KCNAB2: variants seen among roughly 807,000 people sequenced by gnomAD.
The protein encoded by KCNAB2 is potassium voltage-gated channel subfamily A regulatory beta subunit 2, also known as voltage-gated potassium channel subunit beta-2.
A neutral mutation model predicts 63.6 loss-of-function variants in KCNAB2; 29 were observed. The observed-to-expected ratio is 0.46, with a 90% CI of 0.34 to 0.62. The LOEUF (loss-of-function observed/expected upper bound fraction) is 0.62. Among genes scored for constraint, KCNAB2 ranks in the 20% least tolerant of loss-of-function variants. The pLI, the probability that KCNAB2 is intolerant of heterozygous loss-of-function variation, is 0.01. For missense variants in KCNAB2, 359 were observed against 563.9 expected, an observed-to-expected ratio of 0.64 and a Z score of 3.68; for synonymous variants, 222 against 224.2, an observed-to-expected ratio of 0.99 and a Z score of 0.09.
chr1:6,065,928 C>T (rs1263781195), intron 2 of KCNAB2, among the ~76,000 whole-genome samples: 1 of 152,216 alleles, frequency 6.6e-6, no homozygotes, highest in East Asian at 1.9e-4. Flanking sequence ...CCTCACTCCT[C>T]AAGGAATGCC....
intron 2 of KCNAB2, among the ~76,000 whole-genome samples, chr1:6,068,883 G>T (rs1328929630): frequency 3.3e-5 from 5 of 152,202 alleles, no homozygotes; most frequent in Non-Finnish European, 5.9e-5. Flanking sequence ...GGAAACTAAA[G>T]GTGCATGGCC....
upstream of KCNAB2, among the ~76,000 whole-genome samples, chr1:6,042,487 G>A (rs556414821): frequency 1.3e-5 from 2 of 152,218 alleles, no homozygotes; most frequent in Non-Finnish European, 2.9e-5. Context: ...CCTGCAGGGT[G>A]CTCTTGGGGA....
At chr1:6,033,442 C>CGT (rs1557430075), upstream of KCNAB2, among the ~76,000 whole-genome samples, 1 of 148,634 alleles carries the variant, frequency 6.7e-6, no homozygotes, top group African/African-American at 2.5e-5. Flanking sequence ...ATGTGGTGTG[C>CGT]GTGTGTGTGC....
Position 6,051,472 on chromosome 1 carries a change from G to A in KCNAB2, c.-26-39G>A, listed in dbSNP as rs575930723. 3.1e-5 allele frequency: 45 copies of A among 1,434,016 alleles called. No homozygotes were observed. In the East Asian group the frequency reaches 1.1e-3, roughly 36 times the overall value. The allele number at this position is 1,434,016 out of a possible 1,614,324, so 88.8% of individuals were successfully genotyped here. On this transcript the variant is annotated intron_variant, in intron 1 of 15. Transcript: ENST00000378083. ...CAGCCATCCAGCCTGGGGCACGTGGGGCATTGGCACACTGTCTAACTCATC... is the reference window on the plus strand; with the variant it reads ...CAGCCATCCAGCCTGGGGCACGTGGAGCATTGGCACACTGTCTAACTCATC...
At chr1:6,089,709 G>A (rs1384082531) in intron 8 of KCNAB2, among the ~76,000 whole-genome samples, 3 of 152,120 alleles carry the variant, frequency 2.0e-5, no homozygotes, top group Admixed American at 6.5e-5. Flanking sequence ...CATTGTTTTT[G>A]TTTTTGAGAT....
chr1:6,098,694 G>A lies in KCNAB2; in HGVS notation c.*120G>A. 3 of 1,243,002 alleles carry A rather than the reference G, an allele frequency of 2.4e-6. No individual in the cohort carries two copies. The highest frequency in any genetic ancestry group is 1.1e-6 in the Non-Finnish European group (1 of 896,826). 77.0% of individuals were successfully genotyped at this position (1,243,002 alleles called of 1,614,324 possible). A position where few individuals can be genotyped will look rare whatever the true frequency, so the allele number is the denominator to read the frequency against. The stretch of plus-strand genomic sequence containing the variant: ...TGCATCCAAGAGAAAACACCACACT[G>A]TGATGTCATCGGGAAATGATCTCCC... On this transcript the variant is annotated 3_prime_UTR_variant, in exon 16 of 16. Coordinates refer to ENST00000378083, the MANE Select transcript of KCNAB2 (RefSeq NM_001199862.2).
chr1:5,997,866 A>G (rs770486068), intron 1 of KCNAB2, among the ~76,000 whole-genome samples: 4 of 152,248 alleles, frequency 2.6e-5, no homozygotes, highest in South Asian at 2.1e-4. Flanking sequence ...TAAAACCTAT[A>G]CATGCCAGTG....
chr1:6,029,984 G>T (rs369725589), upstream of KCNAB2, among the ~76,000 whole-genome samples: 1 of 152,202 alleles, frequency 6.6e-6, no homozygotes, highest in Non-Finnish European at 1.5e-5. Context: ...GGAAGGTTCC[G>T]GCCAGCTCAA....
intron 1 of KCNAB2, chr1:6,025,871 CCCGGCACACAGCCGA>C (rs1557941098): frequency 4.2e-5 from 6 of 143,640 alleles, no homozygotes; most frequent in African/African-American, 1.5e-4. Flanking sequence ...CACAGCCGAT[CCCGGCACACAGCCGA>C]TCCCGGCACA....
At position 5,994,850 on chromosome 1, in the gene KCNAB2, G is replaced by T. The variant is rs149257141; in HGVS notation, c.-53+2062G>T. Among the ~76,000 whole-genome samples, 454 of 152,302 alleles carry T rather than the reference G, an allele frequency of 3.0e-3. 8 individuals are homozygous for T. Among genetic ancestry groups the T allele is most frequent in the East Asian group, 0.012 (62 of 5,170 alleles). ...ATCTTCTAAGACCCAAATGGTTCAG[G>T]AGGAAGCGAGTGCCACACAGTTTTG... is the stretch of plus-strand genomic sequence containing the variant. On this transcript the variant is annotated intron_variant, in intron 1 of 16. Transcript: ENST00000341524. This position sits in a 1 kb window ranked among gnomAD's most constrained non-coding sequence, Gnocchi z 5.4.
rs1487222020 is a variant in KCNAB2 at position 6,096,650 on chromosome 1, G to A, written c.963G>A (p.Leu321=). Residue 321 remains leucine (L), a synonymous_variant, in exon 14 of 16, where the codon CTG becomes CTA. Coordinates refer to ENST00000378083, the MANE Select transcript of KCNAB2 (RefSeq NM_001199862.2). This position sits in a 1 kb window ranked among gnomAD's most constrained non-coding sequence, Gnocchi z 5.9. Reference sequence around the variant, plus strand: ...CCCGCAACCAGGGCTACCAGTGGCTGAAGGACAAGATCCTCAGTGAGGAGG... The same window carrying A: ...CCCGCAACCAGGGCTACCAGTGGCTAAAGGACAAGATCCTCAGTGAGGAGG... ...SRASLKGYQW[L]KDKILSEEGR... 1 of 1,610,728 alleles carries A rather than the reference G, an allele frequency of 6.2e-7. No individual in the cohort carries two copies.
chr1:6,006,985 T>C (rs1557926025), intron 1 of KCNAB2, among the ~76,000 whole-genome samples: 1 of 152,172 alleles, frequency 6.6e-6, no homozygotes, highest in East Asian at 1.9e-4. Flanking sequence ...TATTCTGTGC[T>C]GGGCACTGTG....
chr1:6,083,571 C>T (rs977953620), intron 5 of KCNAB2, among the ~76,000 whole-genome samples: 8 of 152,304 alleles, frequency 5.3e-5, no homozygotes, highest in Admixed American at 1.3e-4. Flanking sequence ...CTCAGGTCGC[C>T]GTTTCTGTGG....
At chr1:6,048,716 G>A (rs1017584674) in intron 1 of KCNAB2, among the ~76,000 whole-genome samples, 7 of 152,252 alleles carry the variant, frequency 4.6e-5, no homozygotes, top group Non-Finnish European at 8.8e-5. Context: ...GCTACAGCCT[G>A]CCCAGCTGGC....
At position 6,058,292 on chromosome 1, in the gene KCNAB2, C is replaced by T. The variant is rs187234687; in HGVS notation, c.218+6538C>T. Reference sequence around the variant, plus strand: ...ACTCACAGGTATCAGGAATTAGGATCTCAACTGTCTTTTGGGGACACATTT... The same window carrying T: ...ACTCACAGGTATCAGGAATTAGGATTTCAACTGTCTTTTGGGGACACATTT... On this transcript the variant is annotated intron_variant, in intron 2 of 15. Coordinates refer to ENST00000378083, the MANE Select transcript of KCNAB2 (RefSeq NM_001199862.2). 8.5e-5 allele frequency among the ~76,000 whole-genome samples: 13 copies of T among 152,350 alleles called. No individual in the cohort carries two copies. In the East Asian group the frequency reaches 2.3e-3, roughly 27 times the overall value.
rs1411720913 is a variant in KCNAB2 at position 6,028,009 on chromosome 1, G to C, written c.-52-12508G>C. Among the ~76,000 whole-genome samples, 2 of 152,232 alleles carry C rather than the reference G, an allele frequency of 1.3e-5. No homozygotes were observed. The highest frequency in any genetic ancestry group is 4.8e-5 in the African/African-American group (2 of 41,462). ...TGGAGCTGTCGGGGAACTGGGTTAT[G>C]TTGACCTCCCAACCCCTGCCCACCC... On this transcript the variant is annotated intron_variant, in intron 1 of 16. Transcript: ENST00000341524. This position sits in a 1 kb window ranked among gnomAD's most constrained non-coding sequence, Gnocchi z 4.0.
chr1:6,098,610 C>G lies in KCNAB2; in HGVS notation c.*36C>G, dbSNP rs752365253. On this transcript the variant is annotated 3_prime_UTR_variant, in exon 16 of 16. Transcript: ENST00000378083. ...CCCGCCTGCTCGGACAGTTTCCGTT[C>G]CCTCCTAGTCTCTGTTCGCTCGCTT... 1.2e-6 allele frequency: 2 copies of G among 1,606,772 alleles called. No homozygotes were observed. Among genetic ancestry groups the G allele is most frequent in the African/African-American group, 2.7e-5 (2 of 74,848 alleles).
chr1:6,056,722 T>A (rs1661862429), intron 2 of KCNAB2, among the ~76,000 whole-genome samples: 1 of 152,188 alleles, frequency 6.6e-6, no homozygotes, highest in Admixed American at 6.5e-5. Context: ...ACGCCGCCCC[T>A]TCCTTCTGTA....
chr1:6,016,793 A>G (rs1358058350), intron 1 of KCNAB2, among the ~76,000 whole-genome samples: 1 of 152,220 alleles, frequency 6.6e-6, no homozygotes, highest in Non-Finnish European at 1.5e-5. Flanking sequence ...CGTCAACTGG[A>G]CCTGCTGCAT....
Sources: allele counts gnomAD v4.1 joint callset (sites outside exome capture counted in the v4.1 genomes callset), GRCh38; gene constraint gnomAD v4.1.1; non-coding constraint Gnocchi (gnomAD v3.1); transcripts MANE v1.5; gene names NCBI Gene and HGNC (gene_info 2026-07-23, HGNC 2026-07-21).